Variants in GPC5 observed in about 807,000 individuals in gnomAD.
GPC5 encodes the protein glypican-5.
In GPC5, 47 loss-of-function variants were observed where a neutral mutation model predicts 53.9. The observed-to-expected ratio is 0.87, with a 90% confidence interval of 0.69 to 1.11. The LOEUF (loss-of-function observed/expected upper bound fraction) is 1.11. Ranked by LOEUF, GPC5 falls within the 50% of genes most tolerant of loss-of-function variation. The pLI is 0.00. For missense variants in GPC5, 748 were observed against 713.1 expected (o/e 1.05, Z -0.56); for synonymous variants, 286 against 263.3 (o/e 1.09, Z -0.84).
intron 2 of GPC5, among the ~76,000 whole-genome samples, chr13:91,635,073 TTAA>T (rs2034253733): frequency 6.6e-6 from 1 of 152,090 alleles, no homozygotes; most frequent in Non-Finnish European, 1.5e-5. Context: ...GAATGGAAGA[TTAA>T]TGTATTGAGA....
intron 1 of GPC5, among the ~76,000 whole-genome samples, chr13:91,411,324 G>A (rs910056334): frequency 7.9e-5 from 12 of 152,330 alleles, no homozygotes; most frequent in African/African-American, 2.4e-4. Flanking sequence ...CTTGCGTGTT[G>A]TAGTGCTGAG....
At chr13:92,678,263 A>G (rs1296659909) in intron 7 of GPC5, among the ~76,000 whole-genome samples, 1 of 152,212 alleles carries the variant, frequency 6.6e-6, no homozygotes, top group African/African-American at 2.4e-5. Context: ...AATAATTAAG[A>G]AATACAGTTT....
At chr13:92,418,866 T>C (rs1479694559) in intron 7 of GPC5, among the ~76,000 whole-genome samples, 6 of 152,212 alleles carry the variant, frequency 3.9e-5, no homozygotes, top group African/African-American at 1.4e-4. Context: ...GAAAGCACTT[T>C]ATCCACAGTA....
At chr13:91,860,592 C>T (rs960180601) in intron 5 of GPC5, among the ~76,000 whole-genome samples, 2 of 150,932 alleles carry the variant, frequency 1.3e-5, no homozygotes, top group African/African-American at 2.4e-5. Context: ...TCACCATAAC[C>T]TCTGCCTCCC....
chr13:92,160,409 CTG>C (rs1476441811), intron 7 of GPC5, among the ~76,000 whole-genome samples: 2 of 152,150 alleles, frequency 1.3e-5, no homozygotes, highest in African/African-American at 2.4e-5. Context: ...GGGAGTAAAA[CTG>C]TTACAATTTT....
At chr13:92,692,754 A>ATTTTTTTTATTTTTTTTTTTTT (rs1887443895) in intron 7 of GPC5, among the ~76,000 whole-genome samples, 1 of 81,050 alleles carries the variant, frequency 1.2e-5, no homozygotes, top group African/African-American at 4.8e-5. Context: ...AATATCGGCT[A>ATTTTTTTTATTTTTTTTTTTTT]TTTTTTTTTT....
At chr13:92,424,760 C>T (rs1876749089) in intron 7 of GPC5, among the ~76,000 whole-genome samples, 1 of 151,818 alleles carries the variant, frequency 6.6e-6, no homozygotes, top group Admixed American at 6.6e-5. Context: ...TGCTTACATA[C>T]TTTGATTGCT....
At chr13:92,299,520 C>A (rs1005610538) in intron 7 of GPC5, among the ~76,000 whole-genome samples, 1 of 152,082 alleles carries the variant, frequency 6.6e-6, no homozygotes. Context: ...ACTGAAATTT[C>A]TGAGAATGAT....
chr13:91,836,028 T>A (rs1377676183), intron 5 of GPC5, among the ~76,000 whole-genome samples: 4 of 152,202 alleles, frequency 2.6e-5, no homozygotes, highest in Non-Finnish European at 5.9e-5. Context: ...TTTTGTAGTT[T>A]ATTTAAAGAT....
chr13:91,497,229 C>G (rs971309874), intron 2 of GPC5, among the ~76,000 whole-genome samples: 1 of 152,042 alleles, frequency 6.6e-6, no homozygotes, highest in Non-Finnish European at 1.5e-5. Flanking sequence ...TCTGTCCAAA[C>G]AAACTTGATT....
At chr13:92,318,269 GA>G (rs2043193001) in intron 7 of GPC5, among the ~76,000 whole-genome samples, 1 of 152,074 alleles carries the variant, frequency 6.6e-6, no homozygotes, top group African/African-American at 2.4e-5. Flanking sequence ...GGCTTGCTTA[GA>G]ACACACCACA....
rs549364931 is a variant in GPC5 at position 92,561,224 on chromosome 13, G to A, written c.1562-305058G>A. ...TTCTCTTTTCAGTAAGTTATGCTGC[G>A]CTTATTTACATACGATCATTATATT... On this transcript the variant is annotated intron_variant, in intron 7 of 7. Transcript: ENST00000377067. Among the ~76,000 whole-genome samples the A allele has an allele frequency of 9.2e-5, 14 of 151,930 alleles. No individual in the cohort carries two copies. In the South Asian group the frequency reaches 1.2e-3, roughly 13 times the overall value.
intron 6 of GPC5, among the ~76,000 whole-genome samples, chr13:92,064,111 G>C (rs1468430434): frequency 6.6e-6 from 1 of 152,082 alleles, no homozygotes; most frequent in Non-Finnish European, 1.5e-5. Flanking sequence ...TAAGTATAGG[G>C]ACATAGACAC....
At chr13:92,285,600 A>G (rs970355371) in intron 7 of GPC5, among the ~76,000 whole-genome samples, 1 of 152,158 alleles carries the variant, frequency 6.6e-6, no homozygotes, top group African/African-American at 2.4e-5. Flanking sequence ...ATCTACAACC[A>G]TCTGATCTTT....
chr13:92,591,451 A>G (rs989713327), intron 7 of GPC5, among the ~76,000 whole-genome samples: 1 of 152,116 alleles, frequency 6.6e-6, no homozygotes, highest in African/African-American at 2.4e-5. Flanking sequence ...GTGAAGTTTT[A>G]CTTTTAATGT....
intron 7 of GPC5, among the ~76,000 whole-genome samples, chr13:92,846,149 T>C (rs1193348709): frequency 6.6e-6 from 1 of 152,102 alleles, no homozygotes; most frequent in Non-Finnish European, 1.5e-5. Context: ...CAAAAGCCTC[T>C]TTCTTCACGT....
intron 2 of GPC5, among the ~76,000 whole-genome samples, chr13:91,566,739 C>T (rs996341701): frequency 3.3e-5 from 5 of 152,008 alleles, no homozygotes; most frequent in Non-Finnish European, 7.4e-5. Flanking sequence ...AAATATTTTT[C>T]TCAAACTTCA....
At chr13:92,368,567 C>T (rs1208354587) in intron 7 of GPC5, among the ~76,000 whole-genome samples, 14 of 140,604 alleles carry the variant, frequency 1.0e-4, no homozygotes, top group Non-Finnish European at 2.0e-4. Context: ...TCGCTTGAAC[C>T]TGGGATTTGC....
At chr13:91,967,065 A>G (rs548894758) in intron 6 of GPC5, among the ~76,000 whole-genome samples, 2 of 152,208 alleles carry the variant, frequency 1.3e-5, no homozygotes, top group African/African-American at 4.8e-5. Context: ...AGTTTAATGG[A>G]CTCACAGTTC....
Sources: allele counts gnomAD v4.1 joint callset (sites outside exome capture counted in the v4.1 genomes callset), GRCh38; gene constraint gnomAD v4.1.1; transcripts MANE v1.5; gene names NCBI Gene and HGNC (gene_info 2026-07-23, HGNC 2026-07-21).